Variants in SEMA6D observed in about 807,000 individuals in gnomAD.
The protein encoded by SEMA6D is semaphorin 6D.
Under a neutral mutation model 106.6 loss-of-function variants are expected in SEMA6D, and 35 were observed. That is an observed-to-expected ratio of 0.33 (90% confidence interval 0.25 to 0.44). SEMA6D has a LOEUF of 0.44. Ranked by LOEUF, SEMA6D falls within the 20% of genes least tolerant of loss-of-function variation. The pLI, the probability that SEMA6D is intolerant of heterozygous loss-of-function variation, is 1.00. For synonymous variants in SEMA6D, 499 were observed against 487.7 expected, an observed-to-expected ratio of 1.02 and a Z score of -0.31; for missense variants, 1,185 against 1,345.9, an observed-to-expected ratio of 0.88 and a Z score of 1.87.
chr15:47,231,876 A>C (rs2032219801), intron 1 of SEMA6D, among the ~76,000 whole-genome samples: 1 of 152,076 alleles, frequency 6.6e-6, no homozygotes, highest in African/African-American at 2.4e-5. Flanking sequence ...TATCATTTTA[A>C]GAATTTTAAA....
intron 1 of SEMA6D, among the ~76,000 whole-genome samples, chr15:47,199,632 G>C (rs1894586241): frequency 6.6e-6 from 1 of 152,084 alleles, no homozygotes; most frequent in Non-Finnish European, 1.5e-5. Flanking sequence ...AGAAGAGCTA[G>C]AAATTTATTT....
chr15:47,326,897 A>G (rs1198873832), intron 1 of SEMA6D, among the ~76,000 whole-genome samples: 1 of 152,200 alleles, frequency 6.6e-6, no homozygotes, highest in Non-Finnish European at 1.5e-5. Context: ...AAAATTCTAA[A>G]TACATAGCTC....
chr15:47,604,410 C>A lies in SEMA6D; in HGVS notation c.-55+3514C>A, dbSNP rs117187330. Among the ~76,000 whole-genome samples the A allele has an allele frequency of 7.0e-3, 1,060 of 152,202 alleles. 5 individuals are homozygous for A. The highest frequency in any genetic ancestry group is 0.018 in the Admixed American group (280 of 15,270). On this transcript the variant is annotated intron_variant, in intron 4 of 19. Transcript: ENST00000558014. The stretch of plus-strand genomic sequence containing the variant: ...TAGAAAGTCTTAAGCTATTTCATTT[C>A]TTAGGGGTAGAAGTGGGTATCCTTC...
intron 4 of SEMA6D, among the ~76,000 whole-genome samples, chr15:47,639,591 T>C (rs2077452825): frequency 6.6e-6 from 1 of 152,078 alleles, no homozygotes; most frequent in African/African-American, 2.4e-5. Context: ...AAAAGAGAAA[T>C]GTTACAGTGG....
intron 1 of SEMA6D, among the ~76,000 whole-genome samples, chr15:47,346,361 C>G (rs918407394): frequency 6.6e-6 from 1 of 152,130 alleles, no homozygotes; most frequent in African/African-American, 2.4e-5. Flanking sequence ...AGTTTTGTCT[C>G]CATTTGTTCC....
chr15:47,325,495 C>T (rs1372914283), intron 1 of SEMA6D, among the ~76,000 whole-genome samples: 3 of 152,198 alleles, frequency 2.0e-5, no homozygotes, highest in African/African-American at 7.2e-5. Flanking sequence ...TAGATCCAAG[C>T]TCTGTCAGTA....
intron 1 of SEMA6D, among the ~76,000 whole-genome samples, chr15:47,284,568 T>C (rs541369014): frequency 6.6e-6 from 1 of 152,196 alleles, no homozygotes; most frequent in African/African-American, 2.4e-5. Context: ...TGCCCTAGAA[T>C]TGGAAAAGAA....
At chr15:47,210,804 T>C (rs1277169053) in intron 1 of SEMA6D, among the ~76,000 whole-genome samples, 1 of 146,642 alleles carries the variant, frequency 6.8e-6, no homozygotes, top group Non-Finnish European at 1.5e-5. Context: ...CCATTGGCAG[T>C]GTGAATCTGG....
intron 1 of SEMA6D, among the ~76,000 whole-genome samples, chr15:47,354,353 T>C (rs1468592460): frequency 2.0e-5 from 3 of 147,454 alleles, no homozygotes; most frequent in African/African-American, 7.4e-5. Context: ...AAAGAGCTTA[T>C]ATATGGAATG....
At chr15:47,581,343 G>A (rs1399363543) in intron 3 of SEMA6D, 1 of 493,450 alleles carries the variant, frequency 2.0e-6, no homozygotes, top group Admixed American at 2.0e-5. Flanking sequence ...TCACCTTATG[G>A]CAGAACTACA....
intron 2 of SEMA6D, among the ~76,000 whole-genome samples, chr15:47,416,197 C>T (rs1378899597): frequency 6.6e-6 from 1 of 152,110 alleles, no homozygotes; most frequent in East Asian, 1.9e-4. Flanking sequence ...CTTCCCCAGT[C>T]CCAAGACCTC....
intron 1 of SEMA6D, among the ~76,000 whole-genome samples, chr15:47,392,144 T>C (rs372582084): frequency 5.3e-5 from 8 of 152,100 alleles, no homozygotes; most frequent in East Asian, 1.9e-4. Context: ...ATCTGAAACA[T>C]AGGGCACAGA....
chr15:47,732,941 T>G (rs2080218459), intron 1 of SEMA6D, among the ~76,000 whole-genome samples: 1 of 152,222 alleles, frequency 6.6e-6, no homozygotes, highest in Admixed American at 6.5e-5. Context: ...ATTAACACTT[T>G]GAAACATCAT....
intron 1 of SEMA6D, among the ~76,000 whole-genome samples, chr15:47,740,839 G>A (rs1036986523): frequency 2.6e-5 from 4 of 152,154 alleles, no homozygotes; most frequent in Non-Finnish European, 5.9e-5. Context: ...CAGGGAAGAG[G>A]CCTCTGACCA....
At chr15:47,566,517 G>A (rs947638394) in intron 3 of SEMA6D, among the ~76,000 whole-genome samples, 1 of 152,238 alleles carries the variant, frequency 6.6e-6, no homozygotes, top group Admixed American at 6.5e-5. Flanking sequence ...GTAGGGACAA[G>A]AAGTGTGTCC....
chr15:47,230,853 T>C (rs1430297090), intron 1 of SEMA6D, among the ~76,000 whole-genome samples: 1 of 152,086 alleles, frequency 6.6e-6, no homozygotes, highest in Non-Finnish European at 1.5e-5. Flanking sequence ...AATGGTTCCC[T>C]GTGTTTTTAT....
At chr15:47,585,431 T>A (rs548903891) in intron 3 of SEMA6D, among the ~76,000 whole-genome samples, 1 of 152,322 alleles carries the variant, frequency 6.6e-6, no homozygotes, top group South Asian at 2.1e-4. Context: ...ACGGCTCTCA[T>A]GTCCCAAATT....
At chr15:47,746,643 C>T (rs1279700264) in intron 1 of SEMA6D, among the ~76,000 whole-genome samples, 1 of 152,150 alleles carries the variant, frequency 6.6e-6, no homozygotes, top group African/African-American at 2.4e-5. Flanking sequence ...AGACCCAGGC[C>T]CTAATATCCT....
chr15:47,256,974 A>T (rs62014033), intron 1 of SEMA6D, among the ~76,000 whole-genome samples: 1,774 of 152,258 alleles, frequency 0.012, 34 homozygotes, highest in Admixed American at 0.012. Context: ...CTTTCCAATC[A>T]ATATGATTTT....
Sources: gnomAD v4.1 joint callset for allele counts (sites outside exome capture counted in the v4.1 genomes callset) on GRCh38, gnomAD v4.1.1 for gene constraint, MANE v1.5 for transcripts, NCBI Gene and HGNC (gene_info 2026-07-23, HGNC 2026-07-21) for gene names.